The following ANGPTL4 variants were observed in gnomAD, a reference collection of about 807,000 sequenced individuals.
ANGPTL4 encodes angiopoietin like 4, also known as angiopoietin-related protein 4.
ANGPTL4 carries 39 observed loss-of-function variants against 39.2 expected under a neutral mutation model. That is an observed-to-expected ratio of 1.00 (90% CI 0.77 to 1.30). ANGPTL4 has a LOEUF of 1.30. Ranked by LOEUF, ANGPTL4 falls within the 50% of genes most tolerant of loss-of-function variation. The probability of loss-of-function intolerance (pLI) is 0.00; values close to 1 mark genes in which losing one functional copy is unlikely to be tolerated. For synonymous variants in ANGPTL4, 233 were observed against 229.5 expected, an observed-to-expected ratio of 1.02 and a Z score of -0.14; for missense variants, 545 against 549.8, an observed-to-expected ratio of 0.99 and a Z score of 0.09.
intron 4 of ANGPTL4, 142 bp from the exon 5 acceptor site, chr19:8,370,913 AC>A: frequency 1.1e-6 from 1 of 897,344 alleles, no homozygotes; most frequent in Non-Finnish European, 1.8e-6. Context: ...CCTCTGACCC[AC>A]CCTCCTCGAG....
rs1020505219 is a variant in ANGPTL4 at position 8,373,943 on chromosome 19, C to T, written c.*57C>T. The T allele has an allele frequency of 1.0e-5, 16 of 1,588,152 alleles. No homozygotes were observed. Among genetic ancestry groups the T allele is most frequent in the Admixed American group, 5.0e-5 (3 of 59,868 alleles). ...AAAGACGGTGACTCTTGGCTCTGCC[C>T]GAGGATGTGGCCGTTCCCTGCCTGG... On this transcript the variant is annotated 3_prime_UTR_variant, in exon 7 of 7. Coordinates refer to ENST00000301455, the MANE Select transcript of ANGPTL4 (RefSeq NM_139314.3).
chr19:8,372,558 G>A (rs1245625262), intron 6 of ANGPTL4, among the ~76,000 whole-genome samples: 4 of 151,658 alleles, frequency 2.6e-5, no homozygotes, highest in Non-Finnish European at 4.4e-5. Flanking sequence ...CAGCACTTTG[G>A]GAGGCTGAAG....
Position 8,364,497 on chromosome 19 carries a change from C to T in ANGPTL4, c.176C>T (p.Ala59Val). 1.3e-6 allele frequency: 2 copies of T among 1,564,264 alleles called. No homozygotes were observed. Among genetic ancestry groups the T allele is most frequent in the Non-Finnish European group, 1.7e-6 (2 of 1,155,660 alleles). The change falls in exon 1 of 7, where the codon GCG (alanine) becomes GTG (valine). Residue 59 changes from alanine to valine, a missense_variant. Transcript: ENST00000301455. ...LQLGQGLREH[A>V]ERTRSQLSAL... ...CTCGGCCAGGGGCTGCGCGAACACG[C>T]GGAGCGCACCCGCAGTCAGCTGAGC... is the stretch of plus-strand genomic sequence containing the variant.
chr19:8,371,317 G>C lies in ANGPTL4; in HGVS notation c.834G>C (p.Arg278=). The C allele has an allele frequency of 4.3e-6, 7 of 1,613,870 alleles. No homozygotes were observed. Among genetic ancestry groups the C allele is most frequent in the Non-Finnish European group, 5.9e-6 (7 of 1,180,030 alleles). The part of the protein sequence containing the change: ...DRNSRLAVQL[R]DWDGNAELLQ... ...ACAGCCGCCTGGCCGTGCAGCTGCG[G>C]GACTGGGATGGCAACGCCGAGTTGC... Residue 278 remains arginine (R), a synonymous_variant, in exon 6 of 7, where the codon CGG becomes CGC. Transcript: ENST00000301455. This position sits in a 1 kb window ranked among gnomAD's most constrained non-coding sequence, Gnocchi z 5.1.
chr19:8,371,294 A>T lies in ANGPTL4; in HGVS notation c.811A>T (p.Ser271Cys). The change falls in exon 6 of 7, where the codon AGC (serine) becomes TGC (cysteine). Residue 271 changes from serine (S) to cysteine (C), a missense_variant. Physicochemically the swap from Ser to Cys is moderately radical, Grantham distance 112 (BLOSUM62 -1). Coordinates refer to ENST00000301455, the MANE Select transcript of ANGPTL4 (RefSeq NM_139314.3). This position sits in a 1 kb window ranked among gnomAD's most constrained non-coding sequence, Gnocchi z 5.1. ...GCATAGCATCACGGGGGACCGCAAC[A>T]GCCGCCTGGCCGTGCAGCTGCGGGA... ...KVHSITGDRNSRLAVQLRDWD... is the reference protein window; with the variant it reads ...KVHSITGDRNCRLAVQLRDWD... 6.2e-7 allele frequency: 1 copy of T among 1,613,958 alleles called. No homozygotes were observed. The highest frequency in any genetic ancestry group is 8.5e-7 in the Non-Finnish European group (1 of 1,180,024).
chr19:8,374,100 C>T lies in ANGPTL4; in HGVS notation c.*214C>T. On this transcript the variant is annotated 3_prime_UTR_variant, in exon 7 of 7. Coordinates refer to ENST00000301455, the MANE Select transcript of ANGPTL4 (RefSeq NM_139314.3). ...TGAGATCGAGGCTGCAGGATATGCT[C>T]AGACTCTAGAGGCGTGGACCAAGGG... 5.1e-6 allele frequency: 3 copies of T among 588,026 alleles called. No individual in the cohort carries two copies. The highest frequency in any genetic ancestry group is 2.0e-5 in the South Asian group (1 of 50,902). 36.4% of individuals were successfully genotyped at this position (588,026 alleles called of 1,614,324 possible).
intron 3 of ANGPTL4, among the ~76,000 whole-genome samples, chr19:8,367,306 G>T (rs1207176474): frequency 1.3e-5 from 2 of 152,190 alleles, no homozygotes; most frequent in African/African-American, 4.8e-5. Flanking sequence ...GGTGACGGGG[G>T]AAGGCACAAG....
At position 8,366,063 on chromosome 19, in the gene ANGPTL4, A is replaced by G. The variant is rs1230101779; in HGVS notation, c.428A>G (p.Gln143Arg). ...QHLRIQHLQS[Q>R]FGLLDHKHLD... ...CTGCGAATTCAGCATCTGCAAAGCC[A>G]GGTAACCCTAGGATCAAGGGAGAAA... The change falls in exon 2 of 7, where the codon CAG becomes CGG. Residue 143 changes from glutamine to arginine, a missense_variant and splice_region_variant. Coordinates refer to ENST00000301455, the MANE Select transcript of ANGPTL4 (RefSeq NM_139314.3). 6.2e-7 allele frequency: 1 copy of G among 1,613,782 alleles called. No individual in the cohort carries two copies. Among genetic ancestry groups the G allele is most frequent in the African/African-American group, 1.3e-5 (1 of 74,914 alleles).
chr19:8,365,207 G>A lies in ANGPTL4; in HGVS notation c.318+568G>A, dbSNP rs146313907. On this transcript the variant is annotated intron_variant, in intron 1 of 6. Coordinates refer to ENST00000301455, the MANE Select transcript of ANGPTL4 (RefSeq NM_139314.3). Reference sequence around the variant, plus strand: ...TAAAATAAAAATAAAGCCAGGTGCGGTGACTCACGCTTGTAGTCCCAGCAC... The same window carrying A: ...TAAAATAAAAATAAAGCCAGGTGCGATGACTCACGCTTGTAGTCCCAGCAC... Among the ~76,000 whole-genome samples the A allele has an allele frequency of 1.1e-3, 161 of 151,832 alleles. 1 individual carries two copies. Among genetic ancestry groups the A allele is most frequent in the Middle Eastern group, 0.01 (3 of 294 alleles).
At position 8,373,826 on chromosome 19, in the gene ANGPTL4, C is replaced by G. The variant is rs768365112; in HGVS notation, c.1161C>G (p.Tyr387Ter). 42 of 1,613,784 alleles carry G rather than the reference C, an allele frequency of 2.6e-5. No individual in the cohort carries two copies. The highest frequency in any genetic ancestry group is 3.3e-4 in the Middle Eastern group (2 of 6,080). The change falls in exon 7 of 7, where the codon TAC (tyrosine) becomes TAG (stop). Residue 387 changes from tyrosine to a stop codon, truncating the protein, a stop_gained. Coordinates refer to ENST00000301455, the MANE Select transcript of ANGPTL4 (RefSeq NM_139314.3). LOFTEE classifies it low-confidence loss of function (END_TRUNC). ...TCTGGAAGACCTGGCGGGGCCGCTA[C>G]TACCCGCTGCAGGCCACCACCATGT... ...GIFWKTWRGRYYPLQATTMLI... is the reference protein window; with the variant it reads ...GIFWKTWRGR
chr19:8,365,526 C>T (rs1970985223), intron 1 of ANGPTL4, among the ~76,000 whole-genome samples: 1 of 151,040 alleles, frequency 6.6e-6, no homozygotes, highest in Non-Finnish European at 1.5e-5. Context: ...CAAAAATTAG[C>T]CAGGTGTGGT....
Position 8,371,191 on chromosome 19 carries a change from G to T in ANGPTL4, c.757+40G>T. 6.2e-7 allele frequency: 1 copy of T among 1,614,092 alleles called. No individual in the cohort carries two copies. The highest frequency in any genetic ancestry group is 8.5e-7 in the Non-Finnish European group (1 of 1,180,018). Reference sequence around the variant, plus strand: ...TGGGGACAGAGGCAGGGGAGGAAGAGGGACCCTCAGAAGTGGCCCTGCCTC... The same window carrying T: ...TGGGGACAGAGGCAGGGGAGGAAGATGGACCCTCAGAAGTGGCCCTGCCTC... On this transcript the variant is annotated intron_variant, in intron 5 of 6. Transcript: ENST00000301455. The surrounding 1 kb of genome is among the most constrained non-coding windows in gnomAD (Gnocchi z 5.1).
At chr19:8,369,442 T>G in intron 4 of ANGPTL4, 110 bp downstream of exon 4, 2 of 741,468 alleles carry the variant, frequency 2.7e-6, no homozygotes, top group East Asian at 3.0e-5. Context: ...CTTGCTATGT[T>G]GCCCAAGCTG....
chr19:8,368,967 G>C (rs1971060051), intron 3 of ANGPTL4, among the ~76,000 whole-genome samples: 1 of 152,228 alleles, frequency 6.6e-6, no homozygotes, highest in Non-Finnish European at 1.5e-5. Context: ...TGCCAGAGAG[G>C]GTGTGGGTAC....
At chr19:8,370,834 C>T (rs930753888) in intron 4 of ANGPTL4, among the ~76,000 whole-genome samples, 13 of 152,144 alleles carry the variant, frequency 8.5e-5, no homozygotes, top group African/African-American at 2.9e-4. Context: ...TGCCTACTCC[C>T]TCCCACACTC....
chr19:8,370,700 TAA>T (rs33922743), intron 4 of ANGPTL4, among the ~76,000 whole-genome samples: 17 of 99,226 alleles, frequency 1.7e-4, no homozygotes, highest in African/African-American at 2.4e-4. Flanking sequence ...ACTCCATCTC[TAA>T]AAAAAAAAAA....
Position 8,373,724 on chromosome 19 carries a change from C to G in ANGPTL4, c.1059C>G (p.Thr353=). The change falls in exon 7 of 7, where the codon ACC becomes ACG. Residue 353 remains threonine (T), a synonymous_variant. Transcript: ENST00000301455. ...CGGCAGGAGGCTGGTGGTTTGGCAC[C>G]TGCAGCCATTCCAACCTCAACGGCC... ...KSLSGGWWFG[T]CSHSNLNGQY... is the part of the protein sequence containing the mutation. 3 of 1,613,922 alleles carry G rather than the reference C, an allele frequency of 1.9e-6. No individual in the cohort carries two copies. The highest frequency in any genetic ancestry group is 2.5e-6 in the Non-Finnish European group (3 of 1,180,040).
At chr19:8,370,205 C>A (rs973081083) in intron 4 of ANGPTL4, among the ~76,000 whole-genome samples, 1 of 148,810 alleles carries the variant, frequency 6.7e-6, no homozygotes, top group Non-Finnish European at 1.5e-5. Context: ...TCCGTCCCCC[C>A]ATCAAAAAAA....
chr19:8,368,832 C>T (rs564508947), intron 3 of ANGPTL4, among the ~76,000 whole-genome samples: 4 of 152,018 alleles, frequency 2.6e-5, no homozygotes, highest in African/African-American at 7.2e-5. Context: ...TCCAGCCTGG[C>T]GACAGAGCGA....
Sources: gnomAD v4.1 joint callset for allele counts (sites outside exome capture counted in the v4.1 genomes callset) on GRCh38, gnomAD v4.1.1 for gene constraint, Gnocchi (gnomAD v3.1) non-coding constraint, MANE v1.5 for transcripts, NCBI Gene and HGNC (gene_info 2026-07-23, HGNC 2026-07-21) for gene names.